Variants in KIAA0825 observed in about 807,000 individuals in gnomAD.
KIAA0825 encodes the protein KIAA0825, also known as uncharacterized protein KIAA0825.
A neutral mutation model predicts 147.6 loss-of-function variants in KIAA0825; 119 were observed. That is an observed-to-expected ratio of 0.81 (90% CI 0.69 to 0.94). KIAA0825 has a LOEUF of 0.94. KIAA0825 is among the 40% of genes least tolerant of loss of function. The pLI, the probability that KIAA0825 is intolerant of heterozygous loss-of-function variation, is 0.00. For synonymous variants in KIAA0825, 470 were observed against 518.1 expected (o/e 0.91, Z 1.26); for missense variants, 1,381 against 1,472.7 (o/e 0.94, Z 1.02).
intron 3 of KIAA0825, among the ~76,000 whole-genome samples, chr5:94,529,313 C>G (rs1770158311): frequency 7.2e-6 from 1 of 138,506 alleles, no homozygotes; most frequent in Admixed American, 7.4e-5. Flanking sequence ...ATGTATATAT[C>G]ATATATATGT....
chr5:94,452,910 T>C, intron 13 of KIAA0825, 49 bp downstream of exon 13: 1 of 998,898 alleles, frequency 1.0e-6, no homozygotes. Flanking sequence ...TATTAAATTT[T>C]AAAAGGAATC....
intron 20 of KIAA0825, among the ~76,000 whole-genome samples, chr5:94,256,127 C>T (rs993961719): frequency 6.6e-6 from 1 of 152,016 alleles, no homozygotes; most frequent in African/African-American, 2.4e-5. Context: ...ATTGGGGTTG[C>T]TCTGTAAAAT....
rs1271296701 is a variant in KIAA0825 at position 94,477,092 on chromosome 5, T to A, written c.1227+19A>T. 6.6e-7 allele frequency: 1 copy of A among 1,518,138 alleles called. No individual in the cohort carries two copies. Among genetic ancestry groups the A allele is most frequent in the Non-Finnish European group, 9.0e-7 (1 of 1,117,200 alleles). The allele number at this position is 1,518,138 out of a possible 1,614,324, so 94.0% of individuals were successfully genotyped here. On this transcript the variant is annotated intron_variant, in intron 7 of 20. Transcript: ENST00000682413. ...ATATTATATGTGAATTATAAAACAC[T>A]TCTTTTTCCTTCACTTACCTCTTTT... is the stretch of plus-strand genomic sequence containing the variant.
intron 20 of KIAA0825, among the ~76,000 whole-genome samples, chr5:94,349,014 A>G (rs1783327422): frequency 6.6e-6 from 1 of 152,126 alleles, no homozygotes; most frequent in African/African-American, 2.4e-5. Flanking sequence ...TGCAGAATGG[A>G]TAAGAACTCA....
intron 5 of KIAA0825, among the ~76,000 whole-genome samples, chr5:94,507,258 G>T (rs1157160071): frequency 1.3e-5 from 2 of 152,134 alleles, no homozygotes; most frequent in African/African-American, 4.8e-5. Flanking sequence ...GACCATCTTG[G>T]TCAACATAGT....
rs188385145 is a variant in KIAA0825 at position 94,520,133 on chromosome 5, C to T, written c.970+115G>A. ...GTATACTGCAAAATTTCATTACATT[C>T]ATTTTCTAATTTTCATGTTTGCAGT... On this transcript the variant is annotated intron_variant, in intron 5 of 20. Transcript: ENST00000682413. 2.5e-4 allele frequency: 318 copies of T among 1,263,012 alleles called. No individual in the cohort carries two copies. The African/African-American group carries it at 3.9e-3, about 15-fold the overall frequency. The allele number at this position is 1,263,012 out of a possible 1,614,324, so 78.2% of individuals were successfully genotyped here.
Position 94,536,132 on chromosome 5 carries a change from G to A in KIAA0825, c.131+864C>T, listed in dbSNP as rs149338878. 2.0e-3 allele frequency among the ~76,000 whole-genome samples: 305 copies of A among 152,192 alleles called. 1 individual carries two copies. The highest frequency in any genetic ancestry group is 7.1e-3 in the African/African-American group (296 of 41,542). On this transcript the variant is annotated intron_variant, in intron 3 of 20. Coordinates refer to ENST00000682413, the MANE Select transcript of KIAA0825 (RefSeq NM_001145678.3). ...GGATGGGAGAAGATTTTGTTTTTAA[G>A]TATAATTCTCCAACAATATGCTATC...
At chr5:94,592,762 G>A (rs1023050455) in intron 1 of KIAA0825, 1 of 346,596 alleles carries the variant, frequency 2.9e-6, no homozygotes, top group Non-Finnish European at 5.6e-6. Flanking sequence ...GAAAATTTGT[G>A]ATGTAAATCA....
intron 1 of KIAA0825, among the ~76,000 whole-genome samples, chr5:94,606,294 TAGAA>T (rs1236198728): frequency 2.0e-5 from 3 of 152,314 alleles, no homozygotes; most frequent in Admixed American, 6.5e-5. Context: ...TGCTCATGGA[TAGAA>T]AGAATCAATA....
chr5:94,319,484 C>T (rs768634195), intron 20 of KIAA0825, among the ~76,000 whole-genome samples: 39 of 151,996 alleles, frequency 2.6e-4, no homozygotes, highest in Non-Finnish European at 4.9e-4. Flanking sequence ...CCCTATCAAA[C>T]GTAGTATCTC....
chr5:94,377,260 G>C (rs1747718304), intron 20 of KIAA0825, among the ~76,000 whole-genome samples: 2 of 152,144 alleles, frequency 1.3e-5, no homozygotes, highest in African/African-American at 4.8e-5. Flanking sequence ...AATTGTGTTT[G>C]CTCAACTCGA....
rs559224911 is a variant in KIAA0825, at chr5:94,422,367, A to G, written c.2498-5002T>C. Among the ~76,000 whole-genome samples, 5 of 152,256 alleles carry G rather than the reference A, an allele frequency of 3.3e-5. No individual in the cohort carries two copies. The South Asian group carries it at 1.0e-3, about 32-fold the overall frequency. Reference sequence around the variant, plus strand: ...ATTCCCCCCAGTTTATGGCCATTAAATTATACTCCCTTAGTCCAATTATAC... The same window carrying G: ...ATTCCCCCCAGTTTATGGCCATTAAGTTATACTCCCTTAGTCCAATTATAC... On this transcript the variant is annotated intron_variant, in intron 14 of 20. Coordinates refer to ENST00000682413, the MANE Select transcript of KIAA0825 (RefSeq NM_001145678.3).
intron 12 of KIAA0825, among the ~76,000 whole-genome samples, chr5:94,453,316 G>T (rs1758656713): frequency 6.6e-6 from 1 of 151,184 alleles, no homozygotes; most frequent in Non-Finnish European, 1.5e-5. Flanking sequence ...GGGGTTACAG[G>T]CATATGCTGC....
intron 20 of KIAA0825, among the ~76,000 whole-genome samples, chr5:94,248,651 G>A (rs1775762679): frequency 6.6e-6 from 1 of 152,102 alleles, no homozygotes; most frequent in Admixed American, 6.6e-5. Flanking sequence ...GTGGGTTAGG[G>A]AGGAAGGAGA....
intron 20 of KIAA0825, among the ~76,000 whole-genome samples, chr5:94,380,224 A>C (rs1748210454): frequency 6.6e-6 from 1 of 152,026 alleles, no homozygotes; most frequent in African/African-American, 2.4e-5. Context: ...CCTGACTTTC[A>C]CCCAAATTTG....
At chr5:94,216,265 A>C (rs1773187295) in intron 20 of KIAA0825, among the ~76,000 whole-genome samples, 1 of 152,216 alleles carries the variant, frequency 6.6e-6, no homozygotes, top group Non-Finnish European at 1.5e-5. Flanking sequence ...ATGGTAAAGC[A>C]GTGTTCAAGG....
intron 2 of KIAA0825, among the ~76,000 whole-genome samples, chr5:94,551,005 G>C (rs1393620276): frequency 6.6e-6 from 1 of 151,786 alleles, no homozygotes; most frequent in Non-Finnish European, 1.5e-5. Flanking sequence ...TTTGTGATTT[G>C]AATGAAAAAT....
intron 20 of KIAA0825, among the ~76,000 whole-genome samples, chr5:94,347,211 C>A (rs1783102794): frequency 6.6e-6 from 1 of 152,200 alleles, no homozygotes; most frequent in Admixed American, 6.5e-5. Context: ...ACATGATGGT[C>A]CTTCCCTACC....
chr5:94,566,355 G>T (rs1778712553), intron 2 of KIAA0825, among the ~76,000 whole-genome samples: 1 of 151,918 alleles, frequency 6.6e-6, no homozygotes, highest in African/African-American at 2.4e-5. Context: ...TAAAAAGCAG[G>T]TACCAAAAAT....
Sources: gnomAD v4.1 joint callset for allele counts (sites outside exome capture counted in the v4.1 genomes callset) on GRCh38, gnomAD v4.1.1 for gene constraint, MANE v1.5 for transcripts, NCBI Gene and HGNC (gene_info 2026-07-23, HGNC 2026-07-21) for gene names.